C5orf46: variants seen among roughly 807,000 people sequenced by gnomAD.
C5orf46 encodes chromosome 5 open reading frame 46.
A neutral mutation model predicts 8.9 loss-of-function variants in C5orf46; 9 were observed. The ratio of observed to expected loss-of-function variants is 1.01; its 90% CI spans 0.61 to 1.76. The LOEUF is 1.76. C5orf46 is among the 40% of genes most tolerant of loss of function. The pLI is 0.00. For synonymous variants in C5orf46, 47 were observed against 41.4 expected, an observed-to-expected ratio of 1.14 and a Z score of -0.52; for missense variants, 98 against 107.8, an observed-to-expected ratio of 0.91 and a Z score of 0.40.
At chr5:147,902,109 T>C (rs1269818635) in intron 1 of C5orf46, among the ~76,000 whole-genome samples, 1 of 152,164 alleles carries the variant, frequency 6.6e-6, no homozygotes, top group Non-Finnish European at 1.5e-5. Flanking sequence ...ACATACAGAA[T>C]GTCTGTTTTT....
At chr5:147,890,549 G>T (rs1389776198), downstream of C5orf46, among the ~76,000 whole-genome samples, 1 of 152,112 alleles carries the variant, frequency 6.6e-6, no homozygotes, top group Non-Finnish European at 1.5e-5. Context: ...AGCAGCCAAA[G>T]AATATAGACG....
At chr5:147,890,262 C>A (rs974301084), downstream of C5orf46, among the ~76,000 whole-genome samples, 2 of 151,998 alleles carry the variant, frequency 1.3e-5, no homozygotes, top group East Asian at 3.9e-4. Flanking sequence ...AACTGTGTAC[C>A]CTTACTATCT....
Position 147,906,481 on chromosome 5 carries a change from G to A in C5orf46, c.21C>T (p.Arg7=). Residue 7 remains arginine, a synonymous_variant, in exon 1 of 4, where the codon CGC becomes CGT. Coordinates refer to ENST00000318315, the MANE Select transcript of C5orf46 (RefSeq NM_206966.3). MAVSVL[R]LTVVLGLLVL... The stretch of plus-strand genomic sequence containing the variant: ...CAAGCAGTCCCAGGACAACTGTCAG[G>A]CGAAGTACTGAGACAGCCATTCTGG... 2 of 1,611,862 alleles carry A rather than the reference G, an allele frequency of 1.2e-6. No individual in the cohort carries two copies. Among genetic ancestry groups the A allele is most frequent in the Non-Finnish European group, 1.7e-6 (2 of 1,178,710 alleles).
At chr5:147,895,871 T>A (rs1477206814) in intron 3 of C5orf46, among the ~76,000 whole-genome samples, 1 of 152,162 alleles carries the variant, frequency 6.6e-6, no homozygotes, top group East Asian at 1.9e-4. Flanking sequence ...CAAGCCTGAT[T>A]CTCATCCTTA....
intron 1 of C5orf46, among the ~76,000 whole-genome samples, chr5:147,903,624 A>C (rs758521915): frequency 1.3e-5 from 2 of 152,252 alleles, no homozygotes; most frequent in East Asian, 3.8e-4. Context: ...TTACTATGAC[A>C]CAACTAAAGA....
chr5:147,902,060 T>G (rs1208917858), intron 1 of C5orf46, among the ~76,000 whole-genome samples: 1 of 152,164 alleles, frequency 6.6e-6, no homozygotes, highest in African/African-American at 2.4e-5. Flanking sequence ...AGTACTTATC[T>G]CAGAGTTAAG....
At chr5:147,894,389 C>G (rs1426779062) in intron 3 of C5orf46, among the ~76,000 whole-genome samples, 2 of 152,056 alleles carry the variant, frequency 1.3e-5, no homozygotes, top group African/African-American at 4.8e-5. Flanking sequence ...CAATGTTGTT[C>G]AGTAGAGGCT....
At chr5:147,901,310 A>C in intron 2 of C5orf46, 1 of 182,938 alleles carries the variant, frequency 5.5e-6, no homozygotes, top group Admixed American at 6.1e-5. Context: ...ATAGCAACTG[A>C]GTTAGGATCA....
At chr5:147,900,297 A>T (rs1757647227) in intron 2 of C5orf46, among the ~76,000 whole-genome samples, 1 of 152,164 alleles carries the variant, frequency 6.6e-6, no homozygotes, top group Admixed American at 6.6e-5. Context: ...GTGGAGAAGG[A>T]TTGCCTGTAG....
chr5:147,902,246 G>A lies in C5orf46; in HGVS notation c.71-473C>T, dbSNP rs185377372. 3.2e-3 allele frequency among the ~76,000 whole-genome samples: 484 copies of A among 152,266 alleles called. 4 individuals carry two copies. Among genetic ancestry groups the A allele is most frequent in the South Asian group, 9.8e-3 (47 of 4,816 alleles). On this transcript the variant is annotated intron_variant, in intron 1 of 3. Coordinates refer to ENST00000318315, the MANE Select transcript of C5orf46 (RefSeq NM_206966.3). ...ATGGGAGAATTGCTTGAGGCCAGAA[G>A]TTTGAGACCAGCCTGGGTAACATAG...
intron 2 of C5orf46, chr5:147,886,710 T>G (rs888349324): frequency 6.6e-6 from 1 of 151,174 alleles, no homozygotes; most frequent in Non-Finnish European, 1.5e-5. Context: ...TTGTTATCTA[T>G]GTGAATATTA....
rs147800711 is a variant in C5orf46, at chr5:147,905,411, C to A, written c.70+1021G>T. ...ACAGGGTGGTGCCTGGTCTTGGTAT[C>A]AAATCTCTCCTTTCACTTCACTGTA... On this transcript the variant is annotated intron_variant, in intron 1 of 3. Transcript: ENST00000318315. Among the ~76,000 whole-genome samples the A allele has an allele frequency of 3.2e-3, 491 of 152,298 alleles. 3 individuals are homozygous for A. Among genetic ancestry groups the A allele is most frequent in the African/African-American group, 0.011 (450 of 41,564 alleles).
At chr5:147,901,428 A>G in intron 2 of C5orf46, 1 of 467,716 alleles carries the variant, frequency 2.1e-6, no homozygotes, top group Non-Finnish European at 3.7e-6. Context: ...CTTGATGGGA[A>G]TGTCCTTTCC....
chr5:147,902,197 A>G (rs1757682323), intron 1 of C5orf46, among the ~76,000 whole-genome samples: 1 of 152,180 alleles, frequency 6.6e-6, no homozygotes, highest in Non-Finnish European at 1.5e-5. Context: ...CATGCCTGTA[A>G]TCCCAGCACT....
intron 1 of C5orf46, among the ~76,000 whole-genome samples, chr5:147,904,189 C>G (rs902298885): frequency 6.6e-6 from 1 of 152,062 alleles, no homozygotes; most frequent in Non-Finnish European, 1.5e-5. Context: ...GGGAAGGAGG[C>G]GGAAGCGGAA....
At chr5:147,901,600 C>T (rs751466868) in intron 2 of C5orf46, 29 bp downstream of exon 2, 22 of 1,605,210 alleles carry the variant, frequency 1.4e-5, no homozygotes, top group Non-Finnish European at 1.9e-5. Flanking sequence ...GAGAATTGGA[C>T]AAAAAGCAAC....
intron 1 of C5orf46, 65 bp from the exon 2 acceptor site, chr5:147,901,838 G>A: frequency 6.5e-7 from 1 of 1,538,172 alleles, no homozygotes; most frequent in South Asian, 1.2e-5. Flanking sequence ...CTTTCTGTGT[G>A]GGGAACGCTT....
intron 1 of C5orf46, among the ~76,000 whole-genome samples, chr5:147,902,336 A>C (rs1757684307): frequency 6.6e-6 from 1 of 152,130 alleles, no homozygotes; most frequent in Non-Finnish European, 1.5e-5. Context: ...CTGTAATCCC[A>C]GCTACTTGGG....
rs990499554 is a variant in C5orf46 at position 147,898,165 on chromosome 5, A to G, written c.216-1124T>C. Among the ~76,000 whole-genome samples the G allele has an allele frequency of 5.3e-5, 8 of 152,152 alleles. 1 individual carries two copies. Among genetic ancestry groups the G allele is most frequent in the Admixed American group, 4.6e-4 (7 of 15,254 alleles). On this transcript the variant is annotated intron_variant, in intron 2 of 3. Transcript: ENST00000318315. The stretch of plus-strand genomic sequence containing the variant: ...AACTTATTAGAAATCCAATAAAAAG[A>G]GAGACAGAGAAAAGTGAAACTTATT...
Sources: allele counts gnomAD v4.1 joint callset (sites outside exome capture counted in the v4.1 genomes callset), GRCh38; gene constraint gnomAD v4.1.1; transcripts MANE v1.5; gene names NCBI Gene and HGNC (gene_info 2026-07-23, HGNC 2026-07-21).